The following IGSF9B variants were observed in gnomAD, a reference collection of about 807,000 sequenced individuals.
The protein encoded by IGSF9B is protein turtle homolog B.
Under a neutral mutation model 143.7 loss-of-function variants are expected in IGSF9B, and 48 were observed. The ratio of observed to expected loss-of-function variants is 0.33; its 90% CI spans 0.26 to 0.42. The LOEUF (loss-of-function observed/expected upper bound fraction) is 0.42, where lower values mean the gene tolerates loss of function less well. Ranked by LOEUF, IGSF9B falls within the 20% of genes least tolerant of loss-of-function variation. The pLI is 1.00. For missense variants in IGSF9B, 1,706 were observed against 1,980.0 expected, an observed-to-expected ratio of 0.86 and a Z score of 2.63; for synonymous variants, 903 against 833.1, an observed-to-expected ratio of 1.08 and a Z score of -1.44.
At chr11:133,944,583 G>A (rs951956296) in intron 2 of IGSF9B, among the ~76,000 whole-genome samples, 1 of 152,172 alleles carries the variant, frequency 6.6e-6, no homozygotes, top group African/African-American at 2.4e-5. Flanking sequence ...CGCCCCAGCT[G>A]GCCCTGCCCC....
chr11:133,915,992 G>A (rs1939373978), intron 18 of IGSF9B, among the ~76,000 whole-genome samples: 1 of 152,232 alleles, frequency 6.6e-6, no homozygotes, highest in Non-Finnish European at 1.5e-5. Context: ...ACTCAGACCA[G>A]TGCTCTGCCT....
Position 133,946,123 on chromosome 11 carries a change from A to T in IGSF9B, c.200T>A (p.Val67Asp). The change falls in exon 2 of 20, where the codon GTC becomes GAC. Residue 67 changes from valine (V) to aspartate (D), a missense_variant. Transcript: ENST00000533871. ...PYVVEWFKFG[V>D]PIPIFIKFGY... ...AAACTTGATGAAGATAGGGATGGGG[A>T]CCCCGAACTTGAACCACTCTACGAC... 7 of 1,610,396 alleles carry T rather than the reference A, an allele frequency of 4.3e-6. No individual in the cohort carries two copies. The highest frequency in any genetic ancestry group is 5.9e-6 in the Non-Finnish European group (7 of 1,178,468).
intron 5 of IGSF9B, among the ~76,000 whole-genome samples, 172 bp downstream of exon 5, chr11:133,937,204 G>A (rs1939840589): frequency 6.6e-6 from 1 of 152,202 alleles, no homozygotes; most frequent in African/African-American, 2.4e-5. Flanking sequence ...GCCGGTGCAG[G>A]AGCTCTGACC....
At chr11:133,918,890 A>C in intron 18 of IGSF9B, 1 of 445,620 alleles carries the variant, frequency 2.2e-6, no homozygotes, top group Non-Finnish European at 4.5e-6. Context: ...CCCAAAGGCG[A>C]TGGTGAGGAA....
rs143217101 is a variant in IGSF9B, at chr11:133,951,565, C to T, written c.64+5126G>A. Among the ~76,000 whole-genome samples the T allele has an allele frequency of 3.7e-3, 566 of 152,312 alleles. 3 individuals carry two copies. The highest frequency in any genetic ancestry group is 0.012 in the African/African-American group (511 of 41,566). On this transcript the variant is annotated intron_variant, in intron 1 of 19. Coordinates refer to ENST00000533871, the MANE Select transcript of IGSF9B (RefSeq NM_001277285.4). The stretch of plus-strand genomic sequence containing the variant: ...GCTATTAGCAACCTTAATTTGCTCT[C>T]GGCTAGATTGTATTTCCAAGAGTCC...
rs1468521330 is a variant in IGSF9B at position 133,901,828 on chromosome 11, ACAAACACACACACACCACACACG to A, written c.*7218_*7240del. 1.4e-5 allele frequency among the ~76,000 whole-genome samples: 2 copies of A among 147,032 alleles called. No individual in the cohort carries two copies. Among genetic ancestry groups the A allele is most frequent in the African/African-American group, 2.5e-5 (1 of 39,624 alleles). On this transcript the variant is annotated 3_prime_UTR_variant, in exon 20 of 20. Coordinates refer to ENST00000533871, the MANE Select transcript of IGSF9B (RefSeq NM_001277285.4). ...ACAACAGACACACCACACCACACAC[ACAAACACACACACACCACACACG>A]CACCACACACGCACCACACACGCAC...
At chr11:133,935,595 G>C in intron 7 of IGSF9B, 22 bp downstream of exon 7, 1 of 1,598,720 alleles carries the variant, frequency 6.3e-7, no homozygotes, top group Non-Finnish European at 8.5e-7. Flanking sequence ...CACCACCCAG[G>C]CTCCCCTGCA....
Position 133,948,054 on chromosome 11 carries a change from T to TGC in IGSF9B, c.65-1798_65-1797dup, listed in dbSNP as rs1223010403. ...CCCTGTTTCTGTCTACCAGCATGTG[T>TGC]GCGTGTGTGTGTGTGTGTGTGTGTG... On this transcript the variant is annotated intron_variant, in intron 1 of 19. Transcript: ENST00000533871. This position sits in a 1 kb window ranked among gnomAD's most constrained non-coding sequence, Gnocchi z 4.7. Among the ~76,000 whole-genome samples the TGC allele has an allele frequency of 6.3e-5, 5 of 79,812 alleles. No homozygotes were observed. Among genetic ancestry groups the TGC allele is most frequent in the Non-Finnish European group, 1.4e-4 (5 of 36,560 alleles). 52.4% of individuals were successfully genotyped at this position (79,812 alleles called of 152,430 possible).
chr11:133,928,221 T>C lies in IGSF9B; in HGVS notation c.1632-1130A>G, dbSNP rs1382804771. ...CTTGACCACACCAAATGTCCCACCC[T>C]GGACACCTAGGCGCTGAGCAGCACC... is the stretch of plus-strand genomic sequence containing the variant. On this transcript the variant is annotated intron_variant, in intron 12 of 19. Coordinates refer to ENST00000533871, the MANE Select transcript of IGSF9B (RefSeq NM_001277285.4). The surrounding 1 kb of genome is among the most constrained non-coding windows in gnomAD (Gnocchi z 4.7). Among the ~76,000 whole-genome samples, 5 of 152,078 alleles carry C rather than the reference T, an allele frequency of 3.3e-5. No homozygotes were observed. Among genetic ancestry groups the C allele is most frequent in the Non-Finnish European group, 4.4e-5 (3 of 68,004 alleles).
rs1291472137 is a variant in IGSF9B at position 133,919,727 on chromosome 11, AGGC to A, written c.3983+12_3983+14del. 4 of 1,369,818 alleles carry A rather than the reference AGGC, an allele frequency of 2.9e-6. No homozygotes were observed. Among genetic ancestry groups the A allele is most frequent in the Non-Finnish European group, 3.8e-6 (4 of 1,051,820 alleles). 84.9% of individuals were successfully genotyped at this position (1,369,818 alleles called of 1,614,324 possible). On this transcript the variant is annotated intron_variant, in intron 18 of 19. Coordinates refer to ENST00000533871, the MANE Select transcript of IGSF9B (RefSeq NM_001277285.4). ...GTTGCCCAGGTGCGGGTGGCGGAAG[AGGC>A]GGCGCACTCACCCTGAAGTAGGTAA...
chr11:133,918,082 C>CCGAG (rs1458678688), intron 18 of IGSF9B, among the ~76,000 whole-genome samples: 1 of 151,694 alleles, frequency 6.6e-6, no homozygotes, highest in African/African-American at 2.4e-5. Flanking sequence ...CTAGGCGGTG[C>CCGAG]CGAGCGTGGC....
Position 133,921,362 on chromosome 11 carries a change from C to T in IGSF9B, c.2363G>A (p.Arg788His), listed in dbSNP as rs750480606. Residue 788 changes from arginine (R) to histidine (H), a missense_variant, in exon 18 of 20, where the codon CGC (arginine) becomes CAC (histidine). Transcript: ENST00000533871. ...GGATTCTGACGGCGCTCGGAGCGTG[C>T]GGATGCTCTCGGGGCTCACCTTGCC... is the stretch of plus-strand genomic sequence containing the variant. ...SSGKVSPESI[R>H]TLRAPSESSD... is the part of the protein sequence containing the mutation. The T allele has an allele frequency of 7.1e-6, 11 of 1,552,700 alleles. No individual in the cohort carries two copies. Among genetic ancestry groups the T allele is most frequent in the South Asian group, 2.4e-5 (2 of 82,832 alleles).
At chr11:133,915,264 CTCTCTTTT>C (rs1363739117) in intron 18 of IGSF9B, among the ~76,000 whole-genome samples, 3 of 81,764 alleles carry the variant, frequency 3.7e-5, no homozygotes, top group Non-Finnish European at 7.7e-5. Flanking sequence ...ACTTCTCTCT[CTCTCTTTT>C]TTTTTTTTTT....
At chr11:133,918,053 T>TG (rs1939424306) in intron 18 of IGSF9B, among the ~76,000 whole-genome samples, 1 of 27,160 alleles carries the variant, frequency 3.7e-5, no homozygotes, top group African/African-American at 1.4e-4. Flanking sequence ...GGACGGGGGG[T>TG]GGGGGGCAGA....
Position 133,920,675 on chromosome 11 carries a change from C to T in IGSF9B, c.3050G>A (p.Gly1017Glu), listed in dbSNP as rs752495171. The change falls in exon 18 of 20, where the codon GGA (glycine) becomes GAA (glutamate). Residue 1017 changes from glycine (G) to glutamate (E), a missense_variant. Gly to Glu is a moderately conservative substitution (Grantham distance 98, BLOSUM62 -2). Transcript: ENST00000533871. ...FGHPTIPEEN[G>E]ENASNSTLPL... ...CAGCGTGCTGTTGGATGCATTCTCT[C>T]CATTCTCCTCGGGGATGGTGGGGTG... is the stretch of plus-strand genomic sequence containing the variant. The T allele has an allele frequency of 3.1e-6, 5 of 1,613,544 alleles. No individual in the cohort carries two copies. The highest frequency in any genetic ancestry group is 4.5e-5 in the East Asian group (2 of 44,868).
rs1271965177 is a variant in IGSF9B at position 133,901,328 on chromosome 11, T to C, written c.*7741A>G. The stretch of plus-strand genomic sequence containing the variant: ...GCATGAGCTAGTATCCCAGACTGCC[T>C]GGGAAGGTAGCACTGCTCAAAACAT... On this transcript the variant is annotated 3_prime_UTR_variant, in exon 20 of 20. Coordinates refer to ENST00000533871, the MANE Select transcript of IGSF9B (RefSeq NM_001277285.4). The C allele has an allele frequency of 1.3e-5, 2 of 152,198 alleles. No homozygotes were observed. The highest frequency in any genetic ancestry group is 2.9e-5 in the Non-Finnish European group (2 of 68,054). 9.4% of individuals were successfully genotyped at this position (152,198 alleles called of 1,614,324 possible). A position where few individuals can be genotyped will look rare whatever the true frequency, so the allele number is the denominator to read the frequency against.
chr11:133,906,194 G>A lies in IGSF9B; in HGVS notation c.*2875C>T, dbSNP rs1939208382. The stretch of plus-strand genomic sequence containing the variant: ...CAAAGGCAGACTATGAAGGACACTG[G>A]TCCCTAGAGGTGGTTACACCCCCAT... On this transcript the variant is annotated 3_prime_UTR_variant, in exon 20 of 20. Coordinates refer to ENST00000533871, the MANE Select transcript of IGSF9B (RefSeq NM_001277285.4). 6.6e-6 allele frequency among the ~76,000 whole-genome samples: 1 copy of A among 152,202 alleles called. No homozygotes were observed. Among genetic ancestry groups the A allele is most frequent in the South Asian group, 2.1e-4 (1 of 4,832 alleles).
In IGSF9B at chr11:133,948,081, G is replaced by C. The variant is rs865833907; in HGVS notation, c.65-1823C>G. Reference sequence around the variant, plus strand: ...CGTGTGTGTGTGTGTGTGTGTGTGTGTGTGTGTGTCTGTGTGTGTTTCGGT... The same window carrying C: ...CGTGTGTGTGTGTGTGTGTGTGTGTCTGTGTGTGTCTGTGTGTGTTTCGGT... On this transcript the variant is annotated intron_variant, in intron 1 of 19. Transcript: ENST00000533871. This position sits in a 1 kb window ranked among gnomAD's most constrained non-coding sequence, Gnocchi z 4.7. 2.8e-5 allele frequency among the ~76,000 whole-genome samples: 3 copies of C among 108,056 alleles called. No homozygotes were observed. The highest frequency in any genetic ancestry group is 5.7e-5 in the African/African-American group (2 of 35,356). The allele number at this position is 108,056 out of a possible 152,430, so 70.9% of individuals were successfully genotyped here. A position where few individuals can be genotyped will look rare whatever the true frequency, so the allele number is the denominator to read the frequency against.
intron 1 of IGSF9B, among the ~76,000 whole-genome samples, chr11:133,951,437 G>A (rs1281500740): frequency 2.0e-5 from 3 of 152,238 alleles, no homozygotes; most frequent in Admixed American, 6.5e-5. Context: ...GGAGAGAGAG[G>A]CACTGGGGAG....
Sources: allele counts gnomAD v4.1 joint callset (sites outside exome capture counted in the v4.1 genomes callset), GRCh38; gene constraint gnomAD v4.1.1; non-coding constraint Gnocchi (gnomAD v3.1); transcripts MANE v1.5; gene names NCBI Gene and HGNC (gene_info 2026-07-23, HGNC 2026-07-21).